The following PPP2R2B variants were observed in gnomAD, a reference collection of about 807,000 sequenced individuals.
PPP2R2B encodes the protein serine/threonine-protein phosphatase 2A 55 kDa regulatory subunit B beta isoform.
In PPP2R2B, 5 loss-of-function variants were observed where a neutral mutation model predicts 46.0. The observed-to-expected ratio is 0.11, with a 90% CI of 0.06 to 0.23. The LOEUF is 0.23. PPP2R2B is among the 10% of genes least tolerant of loss of function. The probability of loss-of-function intolerance (pLI) is 1.00; values close to 1 mark genes in which losing one functional copy is unlikely to be tolerated. For synonymous variants in PPP2R2B, 215 were observed against 206.7 expected, an observed-to-expected ratio of 1.04 and a Z score of -0.34; for missense variants, 367 against 575.0, an observed-to-expected ratio of 0.64 and a Z score of 3.70.
intron 1 of PPP2R2B, among the ~76,000 whole-genome samples, chr5:146,976,227 T>G (rs1292047796): frequency 6.6e-6 from 1 of 151,770 alleles, no homozygotes; most frequent in Non-Finnish European, 1.5e-5. Flanking sequence ...AACTTCTGCT[T>G]CCCGGGTTCA....
At chr5:146,859,538 T>C (rs1301618404) in intron 2 of PPP2R2B, among the ~76,000 whole-genome samples, 5 of 152,250 alleles carry the variant, frequency 3.3e-5, no homozygotes, top group African/African-American at 1.2e-4. Context: ...ATAATGTGCA[T>C]GTTGCAAACC....
At chr5:146,805,222 C>A (rs932018268) in intron 2 of PPP2R2B, among the ~76,000 whole-genome samples, 2 of 152,098 alleles carry the variant, frequency 1.3e-5, no homozygotes, top group Non-Finnish European at 2.9e-5. Context: ...CATTTGGGGA[C>A]CCTGAGCCAT....
intron 2 of PPP2R2B, among the ~76,000 whole-genome samples, chr5:146,709,917 A>G (rs1157063377): frequency 6.6e-6 from 1 of 152,180 alleles, no homozygotes; most frequent in African/African-American, 2.4e-5. Context: ...TTTTCCTTAT[A>G]GCACTTTGCA....
intron 1 of PPP2R2B, among the ~76,000 whole-genome samples, chr5:147,024,863 A>G (rs1021248708): frequency 4.6e-5 from 7 of 152,150 alleles, no homozygotes; most frequent in Admixed American, 3.3e-4. Flanking sequence ...GTTAGAAAAT[A>G]TAAGTTTTAA....
chr5:147,049,914 G>A (rs1449668450), intron 1 of PPP2R2B, among the ~76,000 whole-genome samples: 1 of 152,206 alleles, frequency 6.6e-6, no homozygotes, highest in Non-Finnish European at 1.5e-5. Flanking sequence ...GAAAAGAGGA[G>A]CAGGTGATGG....
At chr5:146,924,803 G>T (rs1763725844) in intron 1 of PPP2R2B, among the ~76,000 whole-genome samples, 1 of 152,114 alleles carries the variant, frequency 6.6e-6, no homozygotes, top group African/African-American at 2.4e-5. Context: ...GGAGCAAAAA[G>T]AATGTGTTAG....
intron 1 of PPP2R2B, among the ~76,000 whole-genome samples, chr5:147,001,388 G>A (rs1754166489): frequency 6.6e-6 from 1 of 151,984 alleles, no homozygotes; most frequent in African/African-American, 2.4e-5. Context: ...CCAGGAGGAA[G>A]AAACAACTCC....
At chr5:146,607,808 T>C (rs1322159289) in intron 7 of PPP2R2B, 2 of 152,120 alleles carry the variant, frequency 1.3e-5, no homozygotes, top group Non-Finnish European at 2.9e-5. Context: ...AAGCACTGGA[T>C]AGATAAGAGG....
chr5:146,765,432 A>G lies in PPP2R2B; in HGVS notation c.71-64290T>C, dbSNP rs557952330. Among the ~76,000 whole-genome samples the G allele has an allele frequency of 1.6e-4, 24 of 152,352 alleles. No individual in the cohort carries two copies. The East Asian group carries it at 4.6e-3, about 29-fold the overall frequency. On this transcript the variant is annotated intron_variant, in intron 2 of 9. Transcript: ENST00000394411. ...TTTTTCCTTATTCCTCTGAGCCTCA[A>G]AGTTAAGCCTGCATTTGAAGAACAG...
Position 146,635,623 on chromosome 5 carries a change from C to T in PPP2R2B, c.790+2628G>A, listed in dbSNP as rs78082037. Among the ~76,000 whole-genome samples the T allele has an allele frequency of 3.2e-3, 488 of 152,300 alleles. 2 individuals are homozygous for T. The highest frequency in any genetic ancestry group is 0.011 in the African/African-American group (457 of 41,560). ...CCCTGGGTTGGTGGCCCAGAAAGCC[C>T]GGTTCTGCCTTCACTCACTAGAGAG... is the stretch of plus-strand genomic sequence containing the variant. On this transcript the variant is annotated intron_variant, in intron 7 of 9. Transcript: ENST00000394411.
At chr5:146,676,437 C>T (rs1214431560) in intron 5 of PPP2R2B, among the ~76,000 whole-genome samples, 3 of 152,166 alleles carry the variant, frequency 2.0e-5, no homozygotes, top group Non-Finnish European at 4.4e-5. Flanking sequence ...CCTCCTTCCA[C>T]ACTGTGTTTT....
chr5:146,788,671 C>T (rs1361994339), intron 2 of PPP2R2B, among the ~76,000 whole-genome samples: 1 of 152,178 alleles, frequency 6.6e-6, no homozygotes, highest in Non-Finnish European at 1.5e-5. Context: ...GCAGATGTTG[C>T]AGTGGTCCGA....
At chr5:147,040,366 A>G (rs1053971124) in intron 1 of PPP2R2B, among the ~76,000 whole-genome samples, 5 of 152,134 alleles carry the variant, frequency 3.3e-5, no homozygotes, top group Non-Finnish European at 7.4e-5. Context: ...GCTCTAATTT[A>G]TCTGAATCAA....
At chr5:146,902,666 CCACA>C (rs773777983) in intron 1 of PPP2R2B, among the ~76,000 whole-genome samples, 9 of 152,222 alleles carry the variant, frequency 5.9e-5, no homozygotes, top group African/African-American at 9.6e-5. Flanking sequence ...CTAATTGTCC[CCACA>C]CAAAGATCTG....
intron 7 of PPP2R2B, among the ~76,000 whole-genome samples, chr5:146,624,461 C>T (rs991053178): frequency 1.6e-4 from 25 of 152,126 alleles, no homozygotes; most frequent in African/African-American, 5.3e-4. Context: ...ACTCAAAGTA[C>T]GGCCCAAATC....
At chr5:146,791,921 A>G (rs1349050255) in intron 2 of PPP2R2B, among the ~76,000 whole-genome samples, 1 of 152,180 alleles carries the variant, frequency 6.6e-6, no homozygotes, top group Admixed American at 6.5e-5. Flanking sequence ...GTGAGGCCCT[A>G]ATTGGCCTAA....
intron 1 of PPP2R2B, among the ~76,000 whole-genome samples, chr5:146,974,290 A>C (rs1752794107): frequency 1.3e-5 from 2 of 152,242 alleles, no homozygotes. Flanking sequence ...TAAGTCCTTT[A>C]ACATACATTA....
chr5:146,895,828 T>C (rs1195942006), intron 1 of PPP2R2B, among the ~76,000 whole-genome samples: 2 of 152,162 alleles, frequency 1.3e-5, no homozygotes, highest in Non-Finnish European at 2.9e-5. Context: ...AACCACAAAG[T>C]CCATCTCCAC....
At chr5:146,726,438 AAC>A (rs991064974) in intron 2 of PPP2R2B, among the ~76,000 whole-genome samples, 42 of 152,246 alleles carry the variant, frequency 2.8e-4, no homozygotes, top group African/African-American at 9.6e-4. Context: ...GCCAAGTATA[AAC>A]ACACACACAT....
Sources: gnomAD v4.1 joint callset for allele counts (sites outside exome capture counted in the v4.1 genomes callset) on GRCh38, gnomAD v4.1.1 for gene constraint, MANE v1.5 for transcripts, NCBI Gene and HGNC (gene_info 2026-07-23, HGNC 2026-07-21) for gene names.